Variants in PCDH17 observed in about 807,000 individuals in gnomAD.
The protein encoded by PCDH17 is protocadherin 17.
In PCDH17, 21 loss-of-function variants were observed where a neutral mutation model predicts 67.7. The ratio of observed to expected loss-of-function variants is 0.31; its 90% confidence interval spans 0.22 to 0.45. PCDH17 has a LOEUF of 0.45. Ranked by LOEUF, PCDH17 falls within the 20% of genes least tolerant of loss-of-function variation. The pLI is 1.00. For synonymous variants in PCDH17, 701 were observed against 656.7 expected (o/e 1.07, Z -1.03); for missense variants, 1,471 against 1,564.8 (o/e 0.94, Z 1.01).
intron 3 of PCDH17, among the ~76,000 whole-genome samples, chr13:57,714,836 G>A (rs958667762): frequency 2.0e-5 from 3 of 151,608 alleles, no homozygotes; most frequent in Non-Finnish European, 4.4e-5. Context: ...TGTCTCATTC[G>A]ACACGGCAAT....
At chr13:57,707,948 C>T (rs973008583) in intron 3 of PCDH17, among the ~76,000 whole-genome samples, 1 of 151,912 alleles carries the variant, frequency 6.6e-6, no homozygotes, top group Non-Finnish European at 1.5e-5. Context: ...TGCAGAGACC[C>T]TATTTCCAAA....
chr13:57,634,007 G>T lies in PCDH17; in HGVS notation c.1461G>T (p.Pro487=). The T allele has an allele frequency of 3.7e-6, 6 of 1,613,462 alleles. No homozygotes were observed. Among genetic ancestry groups the T allele is most frequent in the Non-Finnish European group, 5.1e-6 (6 of 1,180,018 alleles). Reference sequence around the variant, plus strand: ...TTCAGGTGCACGAGAACAACATCCCGGGAGAGTACCTGGGCTCTGTGCTCG... The same window carrying T: ...TTCAGGTGCACGAGAACAACATCCCTGGAGAGTACCTGGGCTCTGTGCTCG... The part of the protein sequence containing the change: ...YVLQVHENNI[P]GEYLGSVLAQ... Residue 487 remains proline (P), a synonymous_variant, in exon 1 of 4, where the codon CCG becomes CCT. Transcript: ENST00000377918. This position sits in a 1 kb window ranked among gnomAD's most constrained non-coding sequence, Gnocchi z 7.8.
Position 57,632,419 on chromosome 13 carries a change from G to GA in PCDH17, c.-122dup. 2.1e-6 allele frequency: 2 copies of GA among 933,084 alleles called. No homozygotes were observed. Among genetic ancestry groups the GA allele is most frequent in the Non-Finnish European group, 3.2e-6 (2 of 622,298 alleles). 57.8% of individuals were successfully genotyped at this position (933,084 alleles called of 1,614,324 possible). On this transcript the variant is annotated 5_prime_UTR_variant, in exon 1 of 4. Transcript: ENST00000377918. ...GGGTGCCGCAGCTCGGGTGCAGAGGGAAAAAAGGACCCATAGACTTGTGGC... is the reference window on the plus strand; with the variant it reads ...GGGTGCCGCAGCTCGGGTGCAGAGGGAAAAAAAGGACCCATAGACTTGTGGC...
chr13:57,655,589 A>G (rs1955092517), intron 1 of PCDH17, among the ~76,000 whole-genome samples: 1 of 152,060 alleles, frequency 6.6e-6, no homozygotes, highest in Admixed American at 6.6e-5. Flanking sequence ...TTGACAATTT[A>G]TATGAGTATA....
At chr13:57,641,414 CA>C (rs951363639) in intron 1 of PCDH17, among the ~76,000 whole-genome samples, 16 of 132,824 alleles carry the variant, frequency 1.2e-4, no homozygotes, top group African/African-American at 1.9e-4. Flanking sequence ...TAAGGTAAAG[CA>C]AAAAAAAAGA....
At chr13:57,708,984 A>G (rs537245775) in intron 3 of PCDH17, among the ~76,000 whole-genome samples, 80 of 151,968 alleles carry the variant, frequency 5.3e-4, no homozygotes, top group Non-Finnish European at 1.0e-3. Context: ...TTAGAGGCTC[A>G]TAAAAAGCAA....
intron 3 of PCDH17, among the ~76,000 whole-genome samples, chr13:57,690,252 G>A (rs1008867416): frequency 6.6e-6 from 1 of 151,484 alleles, no homozygotes; most frequent in African/African-American, 2.4e-5. Flanking sequence ...TGTATTGTTG[G>A]CATTATTTGG....
At chr13:57,672,037 A>G (rs1048412624) in intron 3 of PCDH17, among the ~76,000 whole-genome samples, 2 of 151,932 alleles carry the variant, frequency 1.3e-5, no homozygotes, top group African/African-American at 4.8e-5. Context: ...CTGTTAGAAA[A>G]TCTGTCTTCT....
chr13:57,691,372 G>T, intron 3 of PCDH17, among the ~76,000 whole-genome samples: 1 of 150,784 alleles, frequency 6.6e-6, no homozygotes, highest in South Asian at 2.1e-4. Flanking sequence ...TCTTTCACTG[G>T]GACAAATATT....
At chr13:57,698,789 A>T (rs550450717) in intron 3 of PCDH17, among the ~76,000 whole-genome samples, 1 of 152,128 alleles carries the variant, frequency 6.6e-6, no homozygotes, top group African/African-American at 2.4e-5. Context: ...AGAGTGAAAG[A>T]ACTCAAATGA....
intron 3 of PCDH17, among the ~76,000 whole-genome samples, chr13:57,691,424 A>T (rs1593930638): frequency 6.6e-6 from 1 of 151,038 alleles, no homozygotes; most frequent in Non-Finnish European, 1.5e-5. Context: ...ATAATAGATA[A>T]TTTTTTTTAA....
At position 57,686,388 on chromosome 13, in the gene PCDH17, A is replaced by G. The variant is rs1181937606; in HGVS notation, c.2797+19555A>G. Among the ~76,000 whole-genome samples the G allele has an allele frequency of 2.0e-5, 3 of 152,048 alleles. 1 individual carries two copies. Among genetic ancestry groups the G allele is most frequent in the Middle Eastern group, 6.3e-3 (2 of 316 alleles). On this transcript the variant is annotated intron_variant, in intron 3 of 3. Transcript: ENST00000377918. ...GAACATTTTTAATGATCAGTAGGAA[A>G]CCATCAAAAATATAAGGGAGAAGCA... is the stretch of plus-strand genomic sequence containing the variant.
intron 3 of PCDH17, among the ~76,000 whole-genome samples, chr13:57,717,142 G>A (rs932555884): frequency 1.3e-5 from 2 of 151,940 alleles, no homozygotes; most frequent in Non-Finnish European, 2.9e-5. Context: ...CCATTTAGCT[G>A]TGCCTTTACT....
intron 3 of PCDH17, among the ~76,000 whole-genome samples, chr13:57,719,153 C>T (rs542861011): frequency 3.5e-4 from 53 of 151,990 alleles, no homozygotes; most frequent in African/African-American, 1.2e-3. Context: ...AAAAGAATAA[C>T]GGGAACAAAT....
intron 3 of PCDH17, among the ~76,000 whole-genome samples, chr13:57,688,211 A>T (rs1955525482): frequency 6.6e-6 from 1 of 151,798 alleles, no homozygotes; most frequent in African/African-American, 2.4e-5. Flanking sequence ...GGAGGCTGAG[A>T]TGGGAGGACT....
Position 57,633,571 on chromosome 13 carries a change from T to C in PCDH17, c.1025T>C (p.Ile342Thr). The C allele has an allele frequency of 1.2e-6, 2 of 1,613,570 alleles. No individual in the cohort carries two copies. Among genetic ancestry groups the C allele is most frequent in the Non-Finnish European group, 1.7e-6 (2 of 1,180,022 alleles). The change falls in exon 1 of 4, where the codon ATC becomes ACC. Residue 342 changes from isoleucine (I) to threonine (T), a missense_variant. Physicochemically the swap from Ile to Thr is moderately conservative, Grantham distance 89. Coordinates refer to ENST00000377918, the MANE Select transcript of PCDH17 (RefSeq NM_001040429.3). This position sits in a 1 kb window ranked among gnomAD's most constrained non-coding sequence, Gnocchi z 6.2. Reference sequence around the variant, plus strand: ...CACTGCAAAGTCACGGTCAAGCTCATCGACCGCAACGACAATGCGCCGTCC... The same window carrying C: ...CACTGCAAAGTCACGGTCAAGCTCACCGACCGCAACGACAATGCGCCGTCC... ...PAHCKVTVKL[I>T]DRNDNAPSIG...
intron 3 of PCDH17, among the ~76,000 whole-genome samples, chr13:57,719,829 A>G (rs759328789): frequency 3.9e-5 from 6 of 151,974 alleles, no homozygotes; most frequent in Non-Finnish European, 7.4e-5. Context: ...GCTTTCCACA[A>G]TAACTATGTT....
chr13:57,650,218 T>TGTGTG (rs1955018327), intron 1 of PCDH17, among the ~76,000 whole-genome samples: 4 of 137,480 alleles, frequency 2.9e-5, no homozygotes, highest in Admixed American at 7.3e-5. Flanking sequence ...GGACCCTTGA[T>TGTGTG]TGTGTGTGTG....
chr13:57,702,092 A>G (rs1176713320), intron 3 of PCDH17, among the ~76,000 whole-genome samples: 7 of 151,764 alleles, frequency 4.6e-5, no homozygotes, highest in African/African-American at 1.7e-4. Flanking sequence ...TAATTTTTGT[A>G]TTTTTAGTAG....
Sources: gnomAD v4.1 joint callset for allele counts (sites outside exome capture counted in the v4.1 genomes callset) on GRCh38, gnomAD v4.1.1 for gene constraint, Gnocchi (gnomAD v3.1) non-coding constraint, MANE v1.5 for transcripts, NCBI Gene and HGNC (gene_info 2026-07-23, HGNC 2026-07-21) for gene names.